NCOA3: variants seen among roughly 807,000 people sequenced by gnomAD.
NCOA3 encodes nuclear receptor coactivator 3, also known as CBP-interacting protein.
A neutral mutation model predicts 158.8 loss-of-function variants in NCOA3; 51 were observed. The ratio of observed to expected loss-of-function variants is 0.32; its 90% CI spans 0.26 to 0.41. The LOEUF is 0.41. Among genes scored for constraint, NCOA3 ranks in the 10% least tolerant of loss-of-function variants. NCOA3 has a pLI of 1.00. For missense variants in NCOA3, 1,510 were observed against 1,746.6 expected, an observed-to-expected ratio of 0.86 and a Z score of 2.41; for synonymous variants, 537 against 592.4, an observed-to-expected ratio of 0.91 and a Z score of 1.36.
intron 1 of NCOA3, among the ~76,000 whole-genome samples, chr20:47,516,367 G>A (rs2084234223): frequency 6.6e-6 from 1 of 151,972 alleles, no homozygotes; most frequent in South Asian, 2.1e-4. Context: ...AAAAATAAAT[G>A]GCAGCTTTTA....
chr20:47,643,052 A>C (rs2086635697), intron 17 of NCOA3, among the ~76,000 whole-genome samples: 1 of 152,182 alleles, frequency 6.6e-6, no homozygotes, highest in Non-Finnish European at 1.5e-5. Flanking sequence ...CTGTGATTAC[A>C]GGCACCCGCC....
Position 47,539,649 on chromosome 20 carries a change from G to A in NCOA3, c.-99+37630G>A, listed in dbSNP as rs143814523. On this transcript the variant is annotated intron_variant, in intron 1 of 22. Coordinates refer to ENST00000371998, the MANE Select transcript of NCOA3 (RefSeq NM_181659.3). Reference sequence around the variant, plus strand: ...GGAGGAAGGAGGAGATGAAGCCAGCGTTGTTGAGGATGCTGCTAGCTATTA... The same window carrying A: ...GGAGGAAGGAGGAGATGAAGCCAGCATTGTTGAGGATGCTGCTAGCTATTA... Among the ~76,000 whole-genome samples, 36 of 152,276 alleles carry A rather than the reference G, an allele frequency of 2.4e-4. No individual in the cohort carries two copies. In the East Asian group the frequency reaches 5.2e-3, roughly 22 times the overall value.
chr20:47,573,420 C>G (rs1393248290), intron 1 of NCOA3, among the ~76,000 whole-genome samples: 1 of 150,934 alleles, frequency 6.6e-6, no homozygotes. Flanking sequence ...AACAAACAAA[C>G]AAAAAAACAC....
intron 1 of NCOA3, among the ~76,000 whole-genome samples, chr20:47,552,004 C>G (rs537595071): frequency 3.3e-5 from 5 of 152,166 alleles, no homozygotes. Flanking sequence ...CAGGTTGGCC[C>G]TTTTGCTGAG....
intron 1 of NCOA3, among the ~76,000 whole-genome samples, chr20:47,561,052 G>A (rs1354047733): frequency 7.2e-6 from 1 of 139,468 alleles, no homozygotes; most frequent in African/African-American, 2.7e-5. Flanking sequence ...ACTGCAGCTT[G>A]ACTTCTGGGG....
At chr20:47,616,903 A>G (rs1030187834) in intron 2 of NCOA3, among the ~76,000 whole-genome samples, 1 of 152,204 alleles carries the variant, frequency 6.6e-6, no homozygotes, top group African/African-American at 2.4e-5. Flanking sequence ...ATAAGTGATA[A>G]TATCTAATTG....
chr20:47,601,490 A>G (rs2085861957), intron 2 of NCOA3, among the ~76,000 whole-genome samples: 1 of 152,226 alleles, frequency 6.6e-6, no homozygotes, highest in Non-Finnish European at 1.5e-5. Flanking sequence ...GCTTTATAGT[A>G]CTTAATTTTG....
At position 47,636,639 on chromosome 20, in the gene NCOA3, C is replaced by G; in HGVS notation, c.2253C>G (p.Leu751=). 6.2e-7 allele frequency: 1 copy of G among 1,614,160 alleles called. No individual in the cohort carries two copies. The highest frequency in any genetic ancestry group is 8.5e-7 in the Non-Finnish European group (1 of 1,180,022). ...LLDRDDPSDA[L]SKELQPQVEG... Reference sequence around the variant, plus strand: ...ACAGGGATGATCCTAGTGATGCACTCTCTAAAGAACTACAGCCCCAAGTGG... The same window carrying G: ...ACAGGGATGATCCTAGTGATGCACTGTCTAAAGAACTACAGCCCCAAGTGG... Residue 751 remains leucine, a synonymous_variant, in exon 12 of 23, where the codon CTC becomes CTG. Transcript: ENST00000371998.
chr20:47,644,076 C>T (rs1345155212), intron 17 of NCOA3, among the ~76,000 whole-genome samples: 3 of 150,638 alleles, frequency 2.0e-5, no homozygotes, highest in Non-Finnish European at 2.9e-5. Flanking sequence ...CCTTATCTCT[C>T]CTGTGTTTTT....
chr20:47,526,163 G>T (rs1379550659), intron 1 of NCOA3, among the ~76,000 whole-genome samples: 1 of 151,450 alleles, frequency 6.6e-6, no homozygotes, highest in Admixed American at 6.6e-5. Context: ...TCAGACGATG[G>T]GCGGCCGGGC....
intron 1 of NCOA3, among the ~76,000 whole-genome samples, chr20:47,568,148 A>T (rs971641918): frequency 3.3e-5 from 5 of 152,232 alleles, no homozygotes; most frequent in Non-Finnish European, 7.3e-5. Context: ...GAAGAAGACC[A>T]GGCAACAAGC....
intron 1 of NCOA3, among the ~76,000 whole-genome samples, chr20:47,518,037 G>T (rs3092794): frequency 2.0e-5 from 3 of 151,864 alleles, no homozygotes; most frequent in African/African-American, 7.2e-5. Context: ...CTGACTCGAG[G>T]GTTGAATTCT....
intron 2 of NCOA3, among the ~76,000 whole-genome samples, chr20:47,595,472 T>C (rs1003573974): frequency 1.3e-5 from 2 of 152,216 alleles, no homozygotes; most frequent in African/African-American, 4.8e-5. Flanking sequence ...GGCGCTTAAC[T>C]TGCAAAGGAC....
chr20:47,583,060 C>T (rs191036182), intron 1 of NCOA3, 123 bp from the exon 2 acceptor site: 3 of 391,372 alleles, frequency 7.7e-6, no homozygotes, highest in African/African-American at 6.2e-5. Flanking sequence ...TCCCAAAGTG[C>T]TGGGATTACA....
At chr20:47,548,450 A>G (rs1014673537) in intron 1 of NCOA3, among the ~76,000 whole-genome samples, 1 of 152,076 alleles carries the variant, frequency 6.6e-6, no homozygotes. Flanking sequence ...AGGCTGAGGC[A>G]GGAGAATCAC....
chr20:47,535,041 ATAAT>A (rs1439276622), intron 1 of NCOA3, among the ~76,000 whole-genome samples: 1 of 150,970 alleles, frequency 6.6e-6, no homozygotes, highest in African/African-American at 2.4e-5. Flanking sequence ...TTCTTTTTAA[ATAAT>A]TAGCGTTATT....
intron 1 of NCOA3, among the ~76,000 whole-genome samples, chr20:47,572,946 G>A (rs2085317064): frequency 1.3e-5 from 2 of 152,146 alleles, no homozygotes; most frequent in South Asian, 2.1e-4. Flanking sequence ...CAATATTGCT[G>A]TGTCTCAGGG....
intron 1 of NCOA3, among the ~76,000 whole-genome samples, chr20:47,512,436 C>T (rs2146057481): frequency 6.6e-6 from 1 of 151,916 alleles, no homozygotes; most frequent in East Asian, 1.9e-4. Context: ...GGCATGGTGG[C>T]ACATGCCTGT....
At chr20:47,573,600 G>A (rs1188304223) in intron 1 of NCOA3, among the ~76,000 whole-genome samples, 1 of 152,188 alleles carries the variant, frequency 6.6e-6, no homozygotes, top group African/African-American at 2.4e-5. Context: ...TTTGTAAAAA[G>A]CGCAATATCT....
Sources: gnomAD v4.1 joint callset for allele counts (sites outside exome capture counted in the v4.1 genomes callset) on GRCh38, gnomAD v4.1.1 for gene constraint, MANE v1.5 for transcripts, NCBI Gene and HGNC (gene_info 2026-07-23, HGNC 2026-07-21) for gene names.